KLHL24: variants seen among roughly 807,000 people sequenced by gnomAD.
The protein encoded by KLHL24 is kelch like family member 24, also known as kelch-like protein 24.
A neutral mutation model predicts 53.4 loss-of-function variants in KLHL24; 29 were observed. The ratio of observed to expected loss-of-function variants is 0.54; its 90% CI spans 0.40 to 0.74. KLHL24 has a LOEUF of 0.74. Ranked by LOEUF, KLHL24 falls within the 30% of genes least tolerant of loss-of-function variation. KLHL24 has a pLI of 0.00. For missense variants in KLHL24, 504 were observed against 744.0 expected, an observed-to-expected ratio of 0.68 and a Z score of 3.75; for synonymous variants, 222 against 253.7, an observed-to-expected ratio of 0.88 and a Z score of 1.19.
chr3:183,681,200 T>G lies in KLHL24; in HGVS notation c.*1914T>G, dbSNP rs966942131. 1 of 152,092 alleles carries G rather than the reference T, an allele frequency of 6.6e-6. No individual in the cohort carries two copies. Among genetic ancestry groups the G allele is most frequent in the African/African-American group, 2.4e-5 (1 of 41,432 alleles). 9.4% of individuals were successfully genotyped at this position (152,092 alleles called of 1,614,324 possible). On this transcript the variant is annotated 3_prime_UTR_variant, in exon 8 of 8. Transcript: ENST00000242810. ...GGATACTTGTACTTTAATTTTAGAG[T>G]AAACATCTGCATTATACTCTTATAG... is the stretch of plus-strand genomic sequence containing the variant.
At chr3:183,635,955 T>G (rs1440427917) in intron 1 of KLHL24, among the ~76,000 whole-genome samples, 162 bp downstream of exon 1, 6 of 152,088 alleles carry the variant, frequency 3.9e-5, no homozygotes, top group Non-Finnish European at 8.8e-5. Flanking sequence ...GCGAGGGGCC[T>G]CCAGGGTTCA....
rs1721457006 is a variant in KLHL24, at chr3:183,672,476, A to G, written c.1594A>G (p.Ser532Gly). 1 of 1,603,482 alleles carries G rather than the reference A, an allele frequency of 6.2e-7. No individual in the cohort carries two copies. Among genetic ancestry groups the G allele is most frequent in the Non-Finnish European group, 8.5e-7 (1 of 1,174,052 alleles). Reference protein sequence around the residue: ...DYWMHVQNTFSRQENCGMSVC... With the variant: ...DYWMHVQNTFGRQENCGMSVC... ...CTGGATGCACGTACAGAATACATTC[A>G]GCCGTCAGGTAATAACATAAAGCAG... is the stretch of plus-strand genomic sequence containing the variant. Residue 532 changes from serine to glycine, a missense_variant, in exon 7 of 8, where the codon AGC becomes GGC. Physicochemically the swap from Ser to Gly is moderately conservative, Grantham distance 56. Transcript: ENST00000242810.
intron 7 of KLHL24, among the ~76,000 whole-genome samples, chr3:183,675,163 A>T (rs1485269616): frequency 6.6e-6 from 1 of 152,228 alleles, no homozygotes; most frequent in African/African-American, 2.4e-5. Context: ...ATATTGAATA[A>T]GTAAACAAAT....
At chr3:183,667,232 A>T (rs1720692015) in intron 5 of KLHL24, among the ~76,000 whole-genome samples, 1 of 152,204 alleles carries the variant, frequency 6.6e-6, no homozygotes, top group Non-Finnish European at 1.5e-5. Context: ...ATCCTGGCCA[A>T]CATGGTGAAA....
At chr3:183,637,803 C>G (rs576157061) in intron 1 of KLHL24, among the ~76,000 whole-genome samples, 1 of 152,156 alleles carries the variant, frequency 6.6e-6, no homozygotes, top group Non-Finnish European at 1.5e-5. Context: ...GGATGACAGG[C>G]GCCCGCCACC....
At chr3:183,636,545 C>T (rs1270547401) in intron 1 of KLHL24, 1 of 152,194 alleles carries the variant, frequency 6.6e-6, no homozygotes, top group East Asian at 1.9e-4. Flanking sequence ...CACTCCAGGA[C>T]TCAGTTTCTT....
intron 7 of KLHL24, among the ~76,000 whole-genome samples, chr3:183,675,045 G>A (rs1045101509): frequency 1.3e-5 from 2 of 152,060 alleles, no homozygotes; most frequent in African/African-American, 4.8e-5. Context: ...TCCCTTATGG[G>A]TATAAATGTT....
chr3:183,665,319 A>C (rs1254381859), intron 5 of KLHL24, among the ~76,000 whole-genome samples: 1 of 152,168 alleles, frequency 6.6e-6, no homozygotes, highest in Non-Finnish European at 1.5e-5. Flanking sequence ...AAAATAAAGG[A>C]GTTACATCAA....
In KLHL24 at chr3:183,680,627, TAG is replaced by T. The variant is rs1712581471; in HGVS notation, c.*1343_*1344del. 3.3e-5 allele frequency: 5 copies of T among 152,358 alleles called. No individual in the cohort carries two copies. The South Asian group carries it at 1.0e-3, about 32-fold the overall frequency. The allele number at this position is 152,358 out of a possible 1,614,324, so 9.4% of individuals were successfully genotyped here. On this transcript the variant is annotated 3_prime_UTR_variant, in exon 8 of 8. Transcript: ENST00000242810. Reference sequence around the variant, plus strand: ...TTCTGTACAACAGACTGCTTTTGTCTAGATTTCTCAACTCCACTTTATAAAGC... The same window carrying T: ...TTCTGTACAACAGACTGCTTTTGTCTATTTCTCAACTCCACTTTATAAAGC...
intron 3 of KLHL24, among the ~76,000 whole-genome samples, chr3:183,653,903 CACA>C (rs1002452594): frequency 1.3e-5 from 2 of 152,124 alleles, no homozygotes; most frequent in Non-Finnish European, 2.9e-5. Flanking sequence ...TCCTGATTGC[CACA>C]ACATGTTGGC....
Position 183,663,541 on chromosome 3 carries a change from A to G in KLHL24, c.1004A>G (p.Tyr335Cys). The G allele has an allele frequency of 6.2e-7, 1 of 1,609,774 alleles. No individual in the cohort carries two copies. The highest frequency in any genetic ancestry group is 1.1e-5 in the South Asian group (1 of 90,232). Residue 335 changes from tyrosine to cysteine, a missense_variant, in exon 4 of 8, where the codon TAC (tyrosine) becomes TGC (cysteine). Tyr to Cys is a radical substitution (Grantham distance 194, BLOSUM62 -2). Transcript: ENST00000242810. The surrounding 1 kb of genome is among the most constrained non-coding windows in gnomAD (Gnocchi z 4.9). ...TTTAATCTTCCATACACTGAGTGCT[A>G]CGATCCTGTAACAGGAGAATGGAAG... is the stretch of plus-strand genomic sequence containing the variant. Reference protein sequence around the residue: ...GGFNLPYTECYDPVTGEWKSL... With the variant: ...GGFNLPYTECCDPVTGEWKSL...
intron 3 of KLHL24, among the ~76,000 whole-genome samples, chr3:183,651,965 A>G (rs894395358): frequency 1.3e-5 from 2 of 152,102 alleles, no homozygotes; most frequent in Admixed American, 1.3e-4. Context: ...AGAAAAAAAA[A>G]TGTTTGCACA....
intron 2 of KLHL24, among the ~76,000 whole-genome samples, chr3:183,647,810 C>T (rs1717524346): frequency 6.6e-6 from 1 of 151,952 alleles, no homozygotes; most frequent in Admixed American, 6.6e-5. Flanking sequence ...TCAAGACCAG[C>T]CTAGCTAACA....
At position 183,672,457 on chromosome 3, in the gene KLHL24, G is replaced by A; in HGVS notation, c.1575G>A (p.Met525Ile). 1.9e-6 allele frequency: 3 copies of A among 1,610,560 alleles called. No individual in the cohort carries two copies. Among genetic ancestry groups the A allele is most frequent in the Non-Finnish European group, 2.5e-6 (3 of 1,178,138 alleles). ...YCYDPVEDYW[M>I]HVQNTFSRQE... The stretch of plus-strand genomic sequence containing the variant: ...ACGATCCAGTTGAAGATTACTGGAT[G>A]CACGTACAGAATACATTCAGCCGTC... The change falls in exon 7 of 8, where the codon ATG becomes ATA. Residue 525 changes from methionine to isoleucine, a missense_variant. Coordinates refer to ENST00000242810, the MANE Select transcript of KLHL24 (RefSeq NM_017644.3).
chr3:183,640,068 C>T (rs991785500), intron 1 of KLHL24, among the ~76,000 whole-genome samples: 1 of 151,996 alleles, frequency 6.6e-6, no homozygotes, highest in African/African-American at 2.4e-5. Context: ...GAAAACATAA[C>T]TATATCATAT....
intron 2 of KLHL24, among the ~76,000 whole-genome samples, chr3:183,648,103 A>G (rs1411827322): frequency 6.6e-6 from 1 of 152,242 alleles, no homozygotes; most frequent in African/African-American, 2.4e-5. Context: ...TAGTGGGCAT[A>G]TAATAAATAT....
chr3:183,667,858 A>G (rs1720793135), intron 5 of KLHL24, among the ~76,000 whole-genome samples: 1 of 151,940 alleles, frequency 6.6e-6, no homozygotes, highest in African/African-American at 2.4e-5. Flanking sequence ...CTAAGACTGC[A>G]GGCACACACC....
rs554614347 is a variant in KLHL24 at position 183,663,744 on chromosome 3, C to G, written c.1105+102C>G. Reference sequence around the variant, plus strand: ...AAATAGTGAAATGTGAATACTCCCACTTGAGGAAGATCAGTTTACAACAAA... The same window carrying G: ...AAATAGTGAAATGTGAATACTCCCAGTTGAGGAAGATCAGTTTACAACAAA... On this transcript the variant is annotated intron_variant, in intron 4 of 7. Coordinates refer to ENST00000242810, the MANE Select transcript of KLHL24 (RefSeq NM_017644.3). This position sits in a 1 kb window ranked among gnomAD's most constrained non-coding sequence, Gnocchi z 4.9. 6 of 605,542 alleles carry G rather than the reference C, an allele frequency of 9.9e-6. No individual in the cohort carries two copies. The Admixed American group carries it at 1.8e-4, about 18-fold the overall frequency. 37.5% of individuals were successfully genotyped at this position (605,542 alleles called of 1,614,324 possible).
chr3:183,663,162 A>G lies in KLHL24; in HGVS notation c.921-296A>G, dbSNP rs1576945097. On this transcript the variant is annotated intron_variant, in intron 3 of 7. Coordinates refer to ENST00000242810, the MANE Select transcript of KLHL24 (RefSeq NM_017644.3). The surrounding 1 kb of genome is among the most constrained non-coding windows in gnomAD (Gnocchi z 4.9). ...TTTGAAAGTCATCCTTAATATTGCC[A>G]GGATTCTGATTGGGTTAGATAGGAT... Among the ~76,000 whole-genome samples the G allele has an allele frequency of 2.0e-5, 3 of 152,322 alleles. No individual in the cohort carries two copies. Among genetic ancestry groups the G allele is most frequent in the Admixed American group, 2.0e-4 (3 of 15,294 alleles).
Sources: gnomAD v4.1 joint callset for allele counts (sites outside exome capture counted in the v4.1 genomes callset) on GRCh38, gnomAD v4.1.1 for gene constraint, Gnocchi (gnomAD v3.1) non-coding constraint, MANE v1.5 for transcripts, NCBI Gene and HGNC (gene_info 2026-07-23, HGNC 2026-07-21) for gene names.